The following CEP63 variants were observed in gnomAD, a reference collection of about 807,000 sequenced individuals.
CEP63 encodes the protein centrosomal protein 63, also known as centrosomal protein of 63 kDa.
A neutral mutation model predicts 89.1 loss-of-function variants in CEP63; 84 were observed. The observed-to-expected ratio is 0.94, with a 90% CI of 0.79 to 1.13. CEP63 has a LOEUF of 1.13. Ranked by LOEUF, CEP63 falls within the 50% of genes most tolerant of loss-of-function variation. The pLI, the probability that CEP63 is intolerant of heterozygous loss-of-function variation, is 0.00. For synonymous variants in CEP63, 267 were observed against 272.5 expected, an observed-to-expected ratio of 0.98 and a Z score of 0.20; for missense variants, 838 against 813.3, an observed-to-expected ratio of 1.03 and a Z score of -0.37.
the CEP63 span, among the ~76,000 whole-genome samples, chr3:134,647,151 A>G: frequency 6.6e-6 from 1 of 152,190 alleles, no homozygotes; most frequent in East Asian, 1.9e-4. Context: ...CACCATCCCA[A>G]GGGATGTTAA....
At chr3:134,528,102 T>C (rs1391536997) in intron 3 of CEP63, among the ~76,000 whole-genome samples, 1 of 152,184 alleles carries the variant, frequency 6.6e-6, no homozygotes, top group African/African-American at 2.4e-5. Context: ...AGTGGGTTGC[T>C]CCTTGCTAGT....
intron 1 of CEP63, among the ~76,000 whole-genome samples, chr3:134,494,270 A>C (rs180986462): frequency 1.3e-5 from 2 of 149,848 alleles, no homozygotes; most frequent in Non-Finnish European, 3.0e-5. Flanking sequence ...GCATGCCACC[A>C]TGCCCAGCTA....
the CEP63 span, among the ~76,000 whole-genome samples, chr3:134,731,803 G>T: frequency 6.6e-6 from 1 of 152,036 alleles, no homozygotes; most frequent in African/African-American, 2.4e-5. Context: ...GAAGACAAGA[G>T]AATCTATGAA....
At chr3:134,537,017 AG>A in intron 5 of CEP63, 137 bp from the exon 6 acceptor site, 1 of 708,882 alleles carries the variant, frequency 1.4e-6, no homozygotes, top group Non-Finnish European at 2.6e-6. Context: ...TAGCTGAGTG[AG>A]TAATGGGGCT....
At position 134,547,274 on chromosome 3, in the gene CEP63, T is replaced by C. The variant is rs1467970877; in HGVS notation, c.930-61T>C. 13 of 1,498,438 alleles carry C rather than the reference T, an allele frequency of 8.7e-6. No individual in the cohort carries two copies. In the Admixed American group the frequency reaches 2.0e-4, roughly 23 times the overall value. 92.8% of individuals were successfully genotyped at this position (1,498,438 alleles called of 1,614,324 possible). ...AAATGATGGGGAAACACAGACTAGA[T>C]GAGCATTATTTTTGTTTGCAGAGAT... On this transcript the variant is annotated intron_variant, in intron 8 of 14. Transcript: ENST00000675561.
chr3:134,774,135 C>A, the CEP63 span, among the ~76,000 whole-genome samples: 1 of 152,190 alleles, frequency 6.6e-6, no homozygotes, highest in African/African-American at 2.4e-5. Flanking sequence ...GTCCCATTGA[C>A]ATGCTCTGGG....
chr3:134,529,647 A>G (rs1301419295), intron 3 of CEP63, among the ~76,000 whole-genome samples: 1 of 150,766 alleles, frequency 6.6e-6, no homozygotes, highest in East Asian at 2.0e-4. Flanking sequence ...GGCCCCAACA[A>G]ATTCTTAACA....
chr3:134,720,122 C>T, the CEP63 span, among the ~76,000 whole-genome samples: 1 of 152,222 alleles, frequency 6.6e-6, no homozygotes, highest in East Asian at 1.9e-4. Flanking sequence ...CAATTCTTTA[C>T]AAACACAATT....
At chr3:134,668,046 C>T in the CEP63 span, among the ~76,000 whole-genome samples, 2 of 152,180 alleles carry the variant, frequency 1.3e-5, no homozygotes, top group Non-Finnish European at 2.9e-5. Context: ...GGAGGGGACT[C>T]CTTGGCTCCA....
At chr3:134,590,866 A>G (rs911994059), downstream of CEP63, among the ~76,000 whole-genome samples, 3 of 152,156 alleles carry the variant, frequency 2.0e-5, no homozygotes, top group East Asian at 5.8e-4. Flanking sequence ...TTCCTATGAC[A>G]TACCTCCTGG....
the CEP63 span, among the ~76,000 whole-genome samples, chr3:134,776,543 G>T: frequency 6.6e-6 from 1 of 152,150 alleles, no homozygotes; most frequent in East Asian, 1.9e-4. Context: ...AACAGAGAGG[G>T]GTTCTAGTCT....
At chr3:134,579,361 G>C (rs1199655870), downstream of CEP63, among the ~76,000 whole-genome samples, 1 of 152,164 alleles carries the variant, frequency 6.6e-6, no homozygotes, top group Admixed American at 6.5e-5. Flanking sequence ...AAAATACCAA[G>C]CTGTTTTCCA....
At chr3:134,698,581 G>A in the CEP63 span, among the ~76,000 whole-genome samples, 1 of 152,218 alleles carries the variant, frequency 6.6e-6, no homozygotes, top group African/African-American at 2.4e-5. Flanking sequence ...CTGTCAGGCA[G>A]AGATTATTGA....
At chr3:134,601,723 C>G in the CEP63 span, among the ~76,000 whole-genome samples, 1 of 152,232 alleles carries the variant, frequency 6.6e-6, no homozygotes, top group Non-Finnish European at 1.5e-5. Context: ...GGAGACACCC[C>G]TTTTGCTCGA....
chr3:134,705,863 A>C, the CEP63 span, among the ~76,000 whole-genome samples: 1 of 152,128 alleles, frequency 6.6e-6, no homozygotes, highest in East Asian at 1.9e-4. Context: ...TATGATTTTG[A>C]TTGTGTTGAA....
the CEP63 span, among the ~76,000 whole-genome samples, chr3:134,663,641 G>A: frequency 6.6e-6 from 1 of 152,246 alleles, no homozygotes; most frequent in South Asian, 2.1e-4. Context: ...TTGGGGGAAA[G>A]GGAGTGCAGG....
intron 3 of CEP63, among the ~76,000 whole-genome samples, 198 bp from the exon 4 acceptor site, chr3:134,531,647 T>A (rs967068209): frequency 1.3e-5 from 2 of 152,180 alleles, no homozygotes; most frequent in Non-Finnish European, 2.9e-5. Context: ...ACTAGCTGTT[T>A]GTTCACTATT....
At chr3:134,518,794 A>G (rs1946784874) in intron 3 of CEP63, among the ~76,000 whole-genome samples, 1 of 152,082 alleles carries the variant, frequency 6.6e-6, no homozygotes, top group African/African-American at 2.4e-5. Flanking sequence ...GAGAAAGAAA[A>G]GATGTAATAA....
chr3:134,731,040 T>C, the CEP63 span, among the ~76,000 whole-genome samples: 14 of 152,298 alleles, frequency 9.2e-5, no homozygotes, highest in Middle Eastern at 6.8e-3. Context: ...CAAGATATAA[T>C]GGTAAAATCT....
Sources: gnomAD v4.1 joint callset for allele counts (sites outside exome capture counted in the v4.1 genomes callset) on GRCh38, gnomAD v4.1.1 for gene constraint, MANE v1.5 for transcripts, NCBI Gene and HGNC (gene_info 2026-07-23, HGNC 2026-07-21) for gene names.